The following UTY variants were observed in gnomAD, a reference collection of about 807,000 sequenced individuals.
UTY encodes histone demethylase UTY.
A neutral mutation model predicts 32.5 loss-of-function variants in UTY; 12 were observed. The ratio of observed to expected loss-of-function variants is 0.37; its 90% CI spans 0.24 to 0.60. UTY has a LOEUF of 0.60. UTY is among the 20% of genes least tolerant of loss of function. UTY has a pLI of 0.69. For synonymous variants in UTY, 131 were observed against 103.4 expected, an observed-to-expected ratio of 1.27 and a Z score of -1.62; for missense variants, 303 against 299.2, an observed-to-expected ratio of 1.01 and a Z score of -0.09.
At chrY:13,292,555 G>A in intron 27 of UTY, among the ~76,000 whole-genome samples, 1 of 31,192 alleles carries the variant, frequency 3.2e-5, no homozygotes, top group Non-Finnish European at 7.7e-5. Context: ...GCAAAAACTA[G>A]ATAATCCAGA....
At chrY:13,390,199 C>T (rs2067367519) in intron 8 of UTY, among the ~76,000 whole-genome samples, 1 of 31,969 alleles carries the variant, frequency 3.1e-5, no homozygotes, top group African/African-American at 1.2e-4. Flanking sequence ...CAAACCAAGA[C>T]TTCTTTTCCT....
chrY:13,375,022 CATTT>C (rs2065286540), intron 8 of UTY, among the ~76,000 whole-genome samples: 1 of 33,642 alleles, frequency 3.0e-5, no homozygotes, highest in Non-Finnish European at 7.4e-5. Flanking sequence ...TTCATCTTCT[CATTT>C]CTTTTTCTCC....
At chrY:13,278,163 AGAG>A (rs2056805819) in intron 27 of UTY, among the ~76,000 whole-genome samples, 1 of 33,327 alleles carries the variant, frequency 3.0e-5, no homozygotes. Context: ...CCTTTGAAGG[AGAG>A]GAGAAGACCC....
chrY:13,287,134 C>G, intron 27 of UTY: 1 of 361,761 alleles, frequency 2.8e-6, no homozygotes, highest in Non-Finnish European at 4.0e-6. Context: ...TGTAAAGCCA[C>G]TGCAGTGGGA....
intron 3 of UTY, among the ~76,000 whole-genome samples, chrY:13,453,159 G>A (rs2076460593): frequency 3.0e-5 from 1 of 33,882 alleles, no homozygotes; most frequent in Non-Finnish European, 7.3e-5. Context: ...GTAGAATAGA[G>A]CTGAGAACCT....
chrY:13,242,397 T>G (rs2053912131), intron 28 of UTY, among the ~76,000 whole-genome samples: 1 of 33,456 alleles, frequency 3.0e-5, no homozygotes, highest in African/African-American at 1.2e-4. Context: ...GAGGAATTAA[T>G]GTCCTTAAAT....
chrY:13,389,263 G>C, intron 8 of UTY, among the ~76,000 whole-genome samples: 3 of 32,684 alleles, frequency 9.2e-5, no homozygotes, highest in Non-Finnish European at 2.3e-4. Context: ...TTTATGGTTG[G>C]CAAGTACCAT....
chrY:13,303,081 G>T, intron 24 of UTY, 90 bp from the exon 25 acceptor site: 1 of 155,960 alleles, frequency 6.4e-6, no homozygotes. Context: ...TTTGAGGACT[G>T]AGCGAAAAAT....
At chrY:13,363,021 A>G in intron 10 of UTY, among the ~76,000 whole-genome samples, 1 of 32,067 alleles carries the variant, frequency 3.1e-5, no homozygotes, top group South Asian at 7.0e-4. Context: ...CTCCCGCCTC[A>G]GCCTCCCAAG....
At chrY:13,412,746 T>C (rs371278607) in intron 5 of UTY, among the ~76,000 whole-genome samples, 2 of 33,815 alleles carry the variant, frequency 5.9e-5, no homozygotes, top group African/African-American at 2.3e-4. Flanking sequence ...TCTGGCTGAC[T>C]AAAATGATTT....
intron 21 of UTY, among the ~76,000 whole-genome samples, chrY:13,309,154 C>T (rs867335597): frequency 3.0e-5 from 1 of 33,650 alleles, no homozygotes; most frequent in Non-Finnish European, 7.4e-5. Flanking sequence ...GAACTGTATA[C>T]TTTATATGTG....
intron 21 of UTY, among the ~76,000 whole-genome samples, chrY:13,311,452 G>A (rs2059073232): frequency 6.5e-5 from 2 of 30,892 alleles, no homozygotes; most frequent in African/African-American, 1.3e-4. Context: ...AAAATTAGCC[G>A]GGCGTGGTAG....
At chrY:13,270,937 C>T (rs935477074) in intron 27 of UTY, among the ~76,000 whole-genome samples, 8 of 32,727 alleles carry the variant, frequency 2.4e-4, no homozygotes, top group Admixed American at 2.0e-3. Context: ...AAAAATTAGC[C>T]GGTGTGGTGG....
At chrY:13,446,555 T>G (rs765164011) in intron 4 of UTY, among the ~76,000 whole-genome samples, 509 of 2,732 alleles carry the variant, frequency 0.19, no homozygotes, top group Non-Finnish European at 0.064. Flanking sequence ...CAGTGTGAGA[T>G]AGATAGATAG....
chrY:13,297,419 C>T (rs2058091550), intron 27 of UTY: 9 of 85,449 alleles, frequency 1.1e-4, no homozygotes, highest in African/African-American at 7.3e-4. Context: ...ATCAGAATTA[C>T]GAGAAAATAG....
chrY:13,315,859 A>G (rs749415017), intron 21 of UTY, among the ~76,000 whole-genome samples: 1 of 31,579 alleles, frequency 3.2e-5, no homozygotes, highest in Admixed American at 2.9e-4. Flanking sequence ...TTACCTACCT[A>G]TGGCCTGAAG....
chrY:13,428,912 T>C (rs2073672534), intron 4 of UTY, among the ~76,000 whole-genome samples: 1 of 33,742 alleles, frequency 3.0e-5, no homozygotes, highest in Non-Finnish European at 7.4e-5. Flanking sequence ...GTTAAATATA[T>C]TCCTATATAT....
At chrY:13,246,112 T>G, downstream of UTY, among the ~76,000 whole-genome samples, 1 of 32,506 alleles carries the variant, frequency 3.1e-5, no homozygotes, top group South Asian at 7.1e-4. Flanking sequence ...TGCGCCACCA[T>G]GCCTGGCTAA....
intron 3 of UTY, among the ~76,000 whole-genome samples, chrY:13,453,988 G>A: frequency 3.3e-5 from 1 of 30,682 alleles, no homozygotes; most frequent in African/African-American, 1.3e-4. Flanking sequence ...TTGGGAGGCC[G>A]AGGCGGCTGG....
Sources: allele counts gnomAD v4.1 joint callset (sites outside exome capture counted in the v4.1 genomes callset), GRCh38; gene constraint gnomAD v4.1.1; transcripts MANE v1.5; gene names NCBI Gene and HGNC (gene_info 2026-07-23, HGNC 2026-07-21).